The following RIMS1 variants were observed in gnomAD, a reference collection of about 807,000 sequenced individuals.
RIMS1 encodes regulating synaptic membrane exocytosis protein 1.
In RIMS1, 83 loss-of-function variants were observed where a neutral mutation model predicts 214.1. The observed-to-expected ratio is 0.39, with a 90% CI of 0.32 to 0.47. The LOEUF (loss-of-function observed/expected upper bound fraction) is 0.47. Ranked by LOEUF, RIMS1 falls within the 20% of genes least tolerant of loss-of-function variation. RIMS1 has a pLI of 0.99. For synonymous variants in RIMS1, 793 were observed against 786.8 expected, an observed-to-expected ratio of 1.01 and a Z score of -0.13; for missense variants, 2,050 against 2,161.8, an observed-to-expected ratio of 0.95 and a Z score of 1.03.
intron 2 of RIMS1, among the ~76,000 whole-genome samples, chr6:72,004,340 G>T (rs944805195): frequency 6.4e-4 from 97 of 152,120 alleles, no homozygotes; most frequent in Non-Finnish European, 1.1e-3. Context: ...ATATGTGCAT[G>T]TGTCTTTATA....
intron 6 of RIMS1, among the ~76,000 whole-genome samples, chr6:72,212,169 G>C (rs1159660287): frequency 6.6e-6 from 1 of 151,902 alleles, no homozygotes; most frequent in South Asian, 2.1e-4. Context: ...TAGTTTGTTT[G>C]TTTTAGTGAA....
At chr6:72,106,648 A>ATTGT (rs780354331) in intron 4 of RIMS1, among the ~76,000 whole-genome samples, 15 of 152,114 alleles carry the variant, frequency 9.9e-5, no homozygotes, top group South Asian at 6.2e-4. Flanking sequence ...TGCTGTTTTT[A>ATTGT]TTGTTTGTTT....
At chr6:72,007,523 T>C (rs1403266768) in intron 2 of RIMS1, among the ~76,000 whole-genome samples, 1 of 152,116 alleles carries the variant, frequency 6.6e-6, no homozygotes, top group Admixed American at 6.6e-5. Flanking sequence ...ATCAAACTTC[T>C]CTGAGCTAAA....
chr6:72,239,038 A>G (rs1480194134), intron 9 of RIMS1, among the ~76,000 whole-genome samples: 1 of 152,134 alleles, frequency 6.6e-6, no homozygotes, highest in Non-Finnish European at 1.5e-5. Flanking sequence ...TTTCTTATGA[A>G]GGACCAGTTA....
chr6:72,205,656 A>G (rs1266318224), intron 6 of RIMS1, among the ~76,000 whole-genome samples: 3 of 152,184 alleles, frequency 2.0e-5, no homozygotes, highest in East Asian at 3.8e-4. Flanking sequence ...AATAGCTGCA[A>G]TCATTACCTC....
At chr6:72,311,499 A>C (rs939778311) in intron 27 of RIMS1, among the ~76,000 whole-genome samples, 1 of 152,234 alleles carries the variant, frequency 6.6e-6, no homozygotes, top group African/African-American at 2.4e-5. Context: ...TAGATCAAAC[A>C]TGAAATCATA....
At chr6:72,342,516 G>A (rs1002616987) in intron 29 of RIMS1, among the ~76,000 whole-genome samples, 2 of 151,720 alleles carry the variant, frequency 1.3e-5, no homozygotes, top group Non-Finnish European at 1.5e-5. Flanking sequence ...TTAGCATTAG[G>A]AAGGAAAGAG....
In RIMS1 at chr6:72,010,773, G is replaced by T. The variant is rs1810197673; in HGVS notation, c.245+41710G>T. On this transcript the variant is annotated intron_variant, in intron 2 of 33. Transcript: ENST00000521978. ...ATACCTAGGAATCCAACTTACAAGG[G>T]ATGTGAAGGACCTCTTCAAGGAGAA... Among the ~76,000 whole-genome samples the T allele has an allele frequency of 3.9e-5, 6 of 152,140 alleles. No individual in the cohort carries two copies. In the South Asian group the frequency reaches 1.2e-3, roughly 31 times the overall value.
intron 2 of RIMS1, among the ~76,000 whole-genome samples, chr6:72,042,565 A>G (rs1821749349): frequency 6.6e-6 from 1 of 151,830 alleles, no homozygotes; most frequent in Admixed American, 6.6e-5. Flanking sequence ...TTATTTTTAA[A>G]TTTCTTTACC....
intron 9 of RIMS1, among the ~76,000 whole-genome samples, chr6:72,240,490 G>GAGTACATATAATATATATATGTACATAT (rs2066277845): frequency 1.3e-5 from 2 of 151,306 alleles, no homozygotes; most frequent in Non-Finnish European, 2.9e-5. Flanking sequence ...CATATAATAT[G>GAGTACATATAATATATATATGTACATAT]AATATATATA....
At chr6:72,384,953 G>T (rs1387848159) in intron 29 of RIMS1, among the ~76,000 whole-genome samples, 1 of 152,320 alleles carries the variant, frequency 6.6e-6, no homozygotes, top group Non-Finnish European at 1.5e-5. Flanking sequence ...AAGAGAGAAA[G>T]AGTTCACCTG....
intron 6 of RIMS1, chr6:72,216,427 T>C: frequency 1.0e-6 from 1 of 985,408 alleles, no homozygotes; most frequent in Non-Finnish European, 1.2e-6. Context: ...CCGTTAGCAC[T>C]AGGCTGGCCG....
chr6:72,363,094 A>G (rs1360638734), intron 29 of RIMS1, among the ~76,000 whole-genome samples: 4 of 152,294 alleles, frequency 2.6e-5, no homozygotes, highest in Non-Finnish European at 5.9e-5. Context: ...GACTTAACCT[A>G]GACTGGTGGC....
intron 28 of RIMS1, among the ~76,000 whole-genome samples, chr6:72,314,011 A>G (rs1205513112): frequency 6.6e-6 from 1 of 152,208 alleles, no homozygotes; most frequent in East Asian, 1.9e-4. Context: ...CTTTGTGGCA[A>G]CTACTCAACA....
chr6:71,982,107 A>G (rs564724247), intron 2 of RIMS1, among the ~76,000 whole-genome samples: 67 of 152,266 alleles, frequency 4.4e-4, no homozygotes, highest in Non-Finnish European at 8.1e-4. Flanking sequence ...GAATAAAGGC[A>G]TCTTTCATTT....
At chr6:72,366,894 A>T in intron 29 of RIMS1, 1 of 970,302 alleles carries the variant, frequency 1.0e-6, no homozygotes, top group Non-Finnish European at 1.2e-6. Flanking sequence ...ATATGTATTT[A>T]CTAAGTTATA....
At chr6:72,250,287 C>A in intron 12 of RIMS1, 43 bp from the exon 13 acceptor site, 2 of 1,559,356 alleles carry the variant, frequency 1.3e-6, no homozygotes, top group Non-Finnish European at 1.7e-6. Flanking sequence ...AATTGTAATG[C>A]CTCATGATTT....
chr6:72,400,478 A>G lies in RIMS1; in HGVS notation c.4861-18A>G. The G allele has an allele frequency of 6.2e-7, 1 of 1,606,676 alleles. No homozygotes were observed. Among genetic ancestry groups the G allele is most frequent in the Non-Finnish European group, 8.5e-7 (1 of 1,173,284 alleles). On this transcript the variant is annotated intron_variant, in intron 33 of 33. Transcript: ENST00000521978. Reference sequence around the variant, plus strand: ...CAGAGAGAAGTCCAGGTAATGTTGCATTTCTCTATCTCTGCAGGTGATTGT... The same window carrying G: ...CAGAGAGAAGTCCAGGTAATGTTGCGTTTCTCTATCTCTGCAGGTGATTGT...
At chr6:72,071,124 C>T (rs1830485810) in intron 2 of RIMS1, among the ~76,000 whole-genome samples, 1 of 152,156 alleles carries the variant, frequency 6.6e-6, no homozygotes, top group Non-Finnish European at 1.5e-5. Flanking sequence ...AGGCTCAGCA[C>T]AGTGGCTCAT....
Sources: gnomAD v4.1 joint callset for allele counts (sites outside exome capture counted in the v4.1 genomes callset) on GRCh38, gnomAD v4.1.1 for gene constraint, MANE v1.5 for transcripts, NCBI Gene and HGNC (gene_info 2026-07-23, HGNC 2026-07-21) for gene names.